The following RRM1 variants were observed in gnomAD, a reference collection of about 807,000 sequenced individuals.
RRM1 encodes the protein ribonucleoside-diphosphate reductase large subunit.
A neutral mutation model predicts 101.5 loss-of-function variants in RRM1; 19 were observed. The observed-to-expected ratio is 0.19, with a 90% CI of 0.13 to 0.27. The LOEUF is 0.27. RRM1 is among the 10% of genes least tolerant of loss of function. The pLI is 1.00. For synonymous variants in RRM1, 298 were observed against 323.4 expected (o/e 0.92, Z 0.84); for missense variants, 500 against 962.9 (o/e 0.52, Z 6.36).
intron 3 of RRM1, 33 bp downstream of exon 3, chr11:4,106,256 ACT>A: frequency 1.3e-6 from 2 of 1,549,020 alleles, no homozygotes; most frequent in Non-Finnish European, 1.8e-6. Context: ...AAAATTTAGT[ACT>A]CTCAGAAAAG....
chr11:4,122,027 A>T lies in RRM1; in HGVS notation c.1039-114A>T, dbSNP rs186043137. On this transcript the variant is annotated intron_variant, in intron 10 of 18. Transcript: ENST00000300738. ...CCTGAACCTGAAAATGATTATTTCT[A>T]CAGCAAATTTCCAAGAGAGCTTGTA... 45 of 836,150 alleles carry T rather than the reference A, an allele frequency of 5.4e-5. No homozygotes were observed. The East Asian group carries it at 1.2e-3, about 22-fold the overall frequency. 51.8% of individuals were successfully genotyped at this position (836,150 alleles called of 1,614,324 possible). A position where few individuals can be genotyped will look rare whatever the true frequency, so the allele number is the denominator to read the frequency against.
chr11:4,138,898 A>G lies in RRM1; in HGVS notation c.*515A>G, dbSNP rs2133332151. Reference sequence around the variant, plus strand: ...GTGATTGTATGAGATTAATTTTGTCATTTACTTTCATATAAAAGTCAAATT... The same window carrying G: ...GTGATTGTATGAGATTAATTTTGTCGTTTACTTTCATATAAAAGTCAAATT... On this transcript the variant is annotated 3_prime_UTR_variant, in exon 19 of 19. Transcript: ENST00000300738. 5.6e-6 allele frequency: 1 copy of G among 179,964 alleles called. No individual in the cohort carries two copies. Among genetic ancestry groups the G allele is most frequent in the African/African-American group, 2.3e-5 (1 of 42,612 alleles). The allele number at this position is 179,964 out of a possible 1,614,324, so 11.1% of individuals were successfully genotyped here.
At chr11:4,124,991 T>G (rs2094587375) in intron 12 of RRM1, among the ~76,000 whole-genome samples, 1 of 151,554 alleles carries the variant, frequency 6.6e-6, no homozygotes, top group South Asian at 2.1e-4. Context: ...CTCGGCTCAC[T>G]GCAACCTCCG....
chr11:4,131,304 C>T (rs191973792), intron 15 of RRM1, among the ~76,000 whole-genome samples: 146 of 152,330 alleles, frequency 9.6e-4, no homozygotes, highest in African/African-American at 3.4e-3. Context: ...TACCTCCCGC[C>T]AGGTCCCTCC....
chr11:4,095,548 C>T (rs2094542449), intron 1 of RRM1, among the ~76,000 whole-genome samples: 1 of 152,176 alleles, frequency 6.6e-6, no homozygotes, highest in South Asian at 2.1e-4. Flanking sequence ...AGGCACTTGT[C>T]AGTTTACTGA....
In RRM1 at chr11:4,127,112, A is replaced by T. The variant is rs886811565; in HGVS notation, c.1548A>T (p.Arg516Ser). Residue 516 changes from arginine to serine, a missense_variant, in exon 14 of 19, where the codon AGA (arginine) becomes AGT (serine). Around this residue, in one of 9 missense-constraint regions of RRM1, gnomAD observed 106 missense variants for 138.1 expected, o/e 0.77. Transcript: ENST00000300738. ...QGLADAFILM[R>S]YPFESAEAQL... ...TGGCAGATGCTTTTATCCTGATGAG[A>T]TACCCTTTTGAGAGTGCAGAAGCCC... 3.7e-5 allele frequency: 59 copies of T among 1,614,028 alleles called. No individual in the cohort carries two copies. The highest frequency in any genetic ancestry group is 4.7e-5 in the Non-Finnish European group (56 of 1,180,020).
chr11:4,129,622 T>A (rs2094595661), intron 15 of RRM1, among the ~76,000 whole-genome samples: 1 of 151,960 alleles, frequency 6.6e-6, no homozygotes, highest in South Asian at 2.1e-4. Flanking sequence ...AAAAAAAAAT[T>A]TTTAAATTGA....
In RRM1 at chr11:4,135,105, C is replaced by T. The variant is rs1427663372; in HGVS notation, c.2025C>T (p.Asp675=). 17 of 1,610,872 alleles carry T rather than the reference C, an allele frequency of 1.1e-5. No homozygotes were observed. In the East Asian group the frequency reaches 3.6e-4, roughly 34 times the overall value. Residue 675 remains aspartate (D), a synonymous_variant, in exon 18 of 19, where the codon GAC becomes GAT. Transcript: ENST00000300738. ...SIQSIPEIPD[D]LKQLYKTVWE... ...AGAGCATACCAGAAATTCCTGATGACCTGAAGCAACTTTATAAAACTGTGT... is the reference window on the plus strand; with the variant it reads ...AGAGCATACCAGAAATTCCTGATGATCTGAAGCAACTTTATAAAACTGTGT...
intron 1 of RRM1, among the ~76,000 whole-genome samples, chr11:4,097,643 G>T (rs2094545512): frequency 6.6e-6 from 1 of 152,102 alleles, no homozygotes; most frequent in African/African-American, 2.4e-5. Flanking sequence ...CCAGGCTGGA[G>T]TGCAGTGGTG....
intron 15 of RRM1, among the ~76,000 whole-genome samples, 188 bp downstream of exon 15, chr11:4,129,338 G>A (rs1017355381): frequency 6.6e-6 from 1 of 152,080 alleles, no homozygotes; most frequent in Non-Finnish European, 1.5e-5. Flanking sequence ...TAACCTGGAA[G>A]TTGCTTGGCA....
chr11:4,112,493 A>T (rs904068569), intron 7 of RRM1, among the ~76,000 whole-genome samples: 1 of 151,988 alleles, frequency 6.6e-6, no homozygotes, highest in African/African-American at 2.4e-5. Context: ...CCTCCTGAGT[A>T]GCTGGGATTA....
chr11:4,124,505 GAATATAAATAAA>G, intron 12 of RRM1, among the ~76,000 whole-genome samples: 2 of 152,320 alleles, frequency 1.3e-5, no homozygotes, highest in East Asian at 3.9e-4. Flanking sequence ...AGTGCTCTGA[GAATATAAATAAA>G]TATGCTGCCC....
Position 4,132,229 on chromosome 11 carries a change from G to C in RRM1, c.1770-57G>C. On this transcript the variant is annotated intron_variant, in intron 15 of 18. Coordinates refer to ENST00000300738, the MANE Select transcript of RRM1 (RefSeq NM_001033.5). This position sits in a 1 kb window ranked among gnomAD's most constrained non-coding sequence, Gnocchi z 4.1. ...TTTACTACAGTGACTTAAAGTAGCTGCTTTCCTGGCAGATTGTAGCTTTGG... is the reference window on the plus strand; with the variant it reads ...TTTACTACAGTGACTTAAAGTAGCTCCTTTCCTGGCAGATTGTAGCTTTGG... 1 of 1,568,398 alleles carries C rather than the reference G, an allele frequency of 6.4e-7. No homozygotes were observed. The highest frequency in any genetic ancestry group is 8.8e-7 in the Non-Finnish European group (1 of 1,139,892).
In RRM1 at chr11:4,094,869, T is replaced by C; in HGVS notation, c.-144T>C. 1 of 817,814 alleles carries C rather than the reference T, an allele frequency of 1.2e-6. No homozygotes were observed. Among genetic ancestry groups the C allele is most frequent in the South Asian group, 1.5e-5 (1 of 65,242 alleles). The allele number at this position is 817,814 out of a possible 1,614,324, so 50.7% of individuals were successfully genotyped here. A position where few individuals can be genotyped will look rare whatever the true frequency, so the allele number is the denominator to read the frequency against. Reference sequence around the variant, plus strand: ...TGTTGCGCCTCTGCTCTGAAGAAAGTGCTGTCTGGCTCCAACTCCAGTTCT... The same window carrying C: ...TGTTGCGCCTCTGCTCTGAAGAAAGCGCTGTCTGGCTCCAACTCCAGTTCT... On this transcript the variant is annotated 5_prime_UTR_variant, in exon 1 of 19. Coordinates refer to ENST00000300738, the MANE Select transcript of RRM1 (RefSeq NM_001033.5).
At chr11:4,135,665 A>G (rs991217807) in intron 18 of RRM1, among the ~76,000 whole-genome samples, 1 of 151,956 alleles carries the variant, frequency 6.6e-6, no homozygotes, top group African/African-American at 2.4e-5. Context: ...GTGCATTACC[A>G]CCATTCCTCA....
intron 15 of RRM1, among the ~76,000 whole-genome samples, chr11:4,131,732 T>C (rs186918348): frequency 3.0e-4 from 46 of 152,338 alleles, no homozygotes; most frequent in African/African-American, 1.1e-3. Flanking sequence ...TGCAGGAACT[T>C]ATAATTGAAG....
chr11:4,107,446 G>A lies in RRM1; in HGVS notation c.298G>A (p.Asp100Asn). The change falls in exon 4 of 19, where the codon GAC becomes AAC. Residue 100 changes from aspartate to asparagine, a missense_variant. Physicochemically the swap from Asp to Asn is conservative, Grantham distance 23. Coordinates refer to ENST00000300738, the MANE Select transcript of RRM1 (RefSeq NM_001033.5). The part of the protein sequence containing the change: ...TKKVFSDVME[D>N]LYNYINPHNG... ...GTTGTATTTTTTAGATGTGATGGAA[G>A]ACCTCTATAACTACATAAATCCACA... The A allele has an allele frequency of 6.2e-7, 1 of 1,605,398 alleles. No homozygotes were observed. Among genetic ancestry groups the A allele is most frequent in the Non-Finnish European group, 8.5e-7 (1 of 1,172,604 alleles).
Position 4,132,274 on chromosome 11 carries a change from C to T in RRM1, c.1770-12C>T, listed in dbSNP as rs968192851. On this transcript the variant is annotated splice_polypyrimidine_tract_variant and intron_variant, in intron 15 of 18. Coordinates refer to ENST00000300738, the MANE Select transcript of RRM1 (RefSeq NM_001033.5). This position sits in a 1 kb window ranked among gnomAD's most constrained non-coding sequence, Gnocchi z 4.1. ...CTTTGGGACTAGTACCTGATAATCT[C>T]CTTTTCTTTAGGTATGGTATAAGAA... 1 of 1,613,980 alleles carries T rather than the reference C, an allele frequency of 6.2e-7. No homozygotes were observed. The highest frequency in any genetic ancestry group is 8.5e-7 in the Non-Finnish European group (1 of 1,179,908).
At chr11:4,098,248 A>C (rs2094546266) in intron 1 of RRM1, among the ~76,000 whole-genome samples, 1 of 152,104 alleles carries the variant, frequency 6.6e-6, no homozygotes, top group African/African-American at 2.4e-5. Context: ...TCTTTCTTTT[A>C]TTCCAGATTC....
Sources: allele counts gnomAD v4.1 joint callset (sites outside exome capture counted in the v4.1 genomes callset), GRCh38; gene constraint gnomAD v4.1.1; regional missense constraint gnomAD v4.1.1; non-coding constraint Gnocchi (gnomAD v3.1); transcripts MANE v1.5; gene names NCBI Gene and HGNC (gene_info 2026-07-23, HGNC 2026-07-21).